Variants in GPSM2 observed in about 807,000 individuals in gnomAD.
GPSM2 encodes the protein G protein signaling modulator 2.
In GPSM2, 58 loss-of-function variants were observed where a neutral mutation model predicts 78.4. The observed-to-expected ratio is 0.74, with a 90% CI of 0.60 to 0.92. The LOEUF (loss-of-function observed/expected upper bound fraction) is 0.92, where lower values mean the gene tolerates loss of function less well. GPSM2 is among the 40% of genes least tolerant of loss of function. GPSM2 has a pLI of 0.00. For synonymous variants in GPSM2, 224 were observed against 280.2 expected (o/e 0.80, Z 2.00); for missense variants, 700 against 815.5 (o/e 0.86, Z 1.73).
intron 10 of GPSM2, among the ~76,000 whole-genome samples, chr1:108,908,032 C>A (rs112485939): frequency 5.3e-5 from 8 of 152,346 alleles, no homozygotes; most frequent in African/African-American, 1.9e-4. Flanking sequence ...CTGACCCATT[C>A]ATGAGTTATA....
Position 108,898,980 on chromosome 1 carries a change from C to T in GPSM2, c.783C>T (p.Ala261=), listed in dbSNP as rs1366640097. 48 of 1,552,990 alleles carry T rather than the reference C, an allele frequency of 3.1e-5. No homozygotes were observed. The highest frequency in any genetic ancestry group is 4.1e-5 in the Non-Finnish European group (46 of 1,124,964). ...TATTTCTTGGTGAATTTGAAACTGC[C>T]TCGGAATACTACAAGTTAGTCTAAT... ...AYIFLGEFET[A]SEYYKKTLLL... Residue 261 remains alanine, a synonymous_variant, in exon 7 of 15, where the codon GCC becomes GCT. Coordinates refer to ENST00000264126, the MANE Select transcript of GPSM2 (RefSeq NM_013296.5).
chr1:108,897,100 C>T lies in GPSM2; in HGVS notation c.278+15C>T. ...ACCCTTGCAAGGTAATTAATTTAAG[C>T]TTTTAAATATTCTTCCTTCTGAAAT... On this transcript the variant is annotated intron_variant, in intron 3 of 14. Transcript: ENST00000264126. 1 of 1,514,044 alleles carries T rather than the reference C, an allele frequency of 6.6e-7. No homozygotes were observed. Among genetic ancestry groups the T allele is most frequent in the Non-Finnish European group, 9.2e-7 (1 of 1,090,586 alleles). The allele number at this position is 1,514,044 out of a possible 1,614,324, so 93.8% of individuals were successfully genotyped here.
rs753005800 is a variant in GPSM2 at position 108,896,930 on chromosome 1, C to T, written c.123C>T (p.Arg41=). 9 of 1,614,010 alleles carry T rather than the reference C, an allele frequency of 5.6e-6. No homozygotes were observed. Among genetic ancestry groups the T allele is most frequent in the African/African-American group, 1.3e-5 (1 of 74,918 alleles). Residue 41 remains arginine (R), a synonymous_variant, in exon 3 of 15, where the codon CGC becomes CGT. Coordinates refer to ENST00000264126, the MANE Select transcript of GPSM2 (RefSeq NM_013296.5). ...GTCTATGTAAATCAGGAGACTGCCG[C>T]GCTGGCGTGTCATTCTTTGAAGCTG... The part of the protein sequence containing the change: ...GERLCKSGDC[R]AGVSFFEAAV...
rs375610061 is a variant in GPSM2 at position 108,879,069 on chromosome 1, A to G, written c.-249+1841A>G. Among the ~76,000 whole-genome samples, 265 of 152,326 alleles carry G rather than the reference A, an allele frequency of 1.7e-3. 1 individual carries two copies. The highest frequency in any genetic ancestry group is 5.7e-3 in the African/African-American group (237 of 41,578). ...GTTGTAGCTTCGCAGAAATATTTCAATCTTTCTGTTGGAACTATCTTGCTT... is the reference window on the plus strand; with the variant it reads ...GTTGTAGCTTCGCAGAAATATTTCAGTCTTTCTGTTGGAACTATCTTGCTT... On this transcript the variant is annotated intron_variant, in intron 1 of 14. Coordinates refer to ENST00000264126, the MANE Select transcript of GPSM2 (RefSeq NM_013296.5).
At chr1:108,905,776 A>T (rs922325105) in intron 10 of GPSM2, among the ~76,000 whole-genome samples, 1 of 152,182 alleles carries the variant, frequency 6.6e-6, no homozygotes, top group Non-Finnish European at 1.5e-5. Flanking sequence ...CTGTGATGAT[A>T]AAAACGTTTT....
In GPSM2 at chr1:108,918,835, A is replaced by T. The variant is rs1650475494; in HGVS notation, c.1440+46A>T. On this transcript the variant is annotated intron_variant, in intron 12 of 14. Coordinates refer to ENST00000264126, the MANE Select transcript of GPSM2 (RefSeq NM_013296.5). The stretch of plus-strand genomic sequence containing the variant: ...TGAGTATTGTGTTTTGAGTACCGAC[A>T]TTTGGGTTTTCTTGTATTCATGCTG... 6 of 1,308,158 alleles carry T rather than the reference A, an allele frequency of 4.6e-6. No homozygotes were observed. The East Asian group carries it at 1.2e-4, about 25-fold the overall frequency. 81.0% of individuals were successfully genotyped at this position (1,308,158 alleles called of 1,614,324 possible). A position where few individuals can be genotyped will look rare whatever the true frequency, so the allele number is the denominator to read the frequency against.
Position 108,930,243 on chromosome 1 carries a change from T to C in GPSM2, c.*303T>C, listed in dbSNP as rs1352547934. 1 of 290,768 alleles carries C rather than the reference T, an allele frequency of 3.4e-6. No homozygotes were observed. Among genetic ancestry groups the C allele is most frequent in the African/African-American group, 2.2e-5 (1 of 46,130 alleles). The allele number at this position is 290,768 out of a possible 1,614,324, so 18.0% of individuals were successfully genotyped here. On this transcript the variant is annotated 3_prime_UTR_variant, in exon 15 of 15. Coordinates refer to ENST00000264126, the MANE Select transcript of GPSM2 (RefSeq NM_013296.5). ...AGTAGGAAGTTAAGTGAATCATAGA[T>C]TAGAATTTAATACTCTTATGGAAAT...
At chr1:108,917,674 TCTCA>T (rs1360897102) in intron 11 of GPSM2, among the ~76,000 whole-genome samples, 2 of 73,102 alleles carry the variant, frequency 2.7e-5, no homozygotes, top group East Asian at 5.1e-4. Context: ...ATAAATGAGT[TCTCA>T]CTATGTTGTC....
rs1404170679 is a variant in GPSM2 at position 108,877,068 on chromosome 1, C to G, written c.-409C>G. On this transcript the variant is annotated 5_prime_UTR_variant, in exon 1 of 15. Transcript: ENST00000264126. ...CGCTCCGGGAAAGCGAGGGGCGCTACGAGCTCTGGCCCACGTGACCTGCCG... is the reference window on the plus strand; with the variant it reads ...CGCTCCGGGAAAGCGAGGGGCGCTAGGAGCTCTGGCCCACGTGACCTGCCG... The G allele has an allele frequency of 1.3e-5, 2 of 152,326 alleles. No homozygotes were observed. Among genetic ancestry groups the G allele is most frequent in the African/African-American group, 2.4e-5 (1 of 41,450 alleles). 9.4% of individuals were successfully genotyped at this position (152,326 alleles called of 1,614,324 possible).
At chr1:108,920,168 A>G (rs12077339) in intron 12 of GPSM2, among the ~76,000 whole-genome samples, 56,003 of 151,182 alleles carry the variant, frequency 0.37, 11,225 homozygotes, top group East Asian at 0.61. Flanking sequence ...CCCCATCTCA[A>G]AAAAAATAAA....
At chr1:108,899,432 C>A (rs1316770153) in intron 7 of GPSM2, among the ~76,000 whole-genome samples, 1 of 152,170 alleles carries the variant, frequency 6.6e-6, no homozygotes, top group Non-Finnish European at 1.5e-5. Context: ...TATTTATAGT[C>A]TATACCAGTG....
At chr1:108,902,434 A>T (rs1648897596) in intron 8 of GPSM2, among the ~76,000 whole-genome samples, 1 of 152,034 alleles carries the variant, frequency 6.6e-6, no homozygotes. Context: ...ATTGTGGTGA[A>T]CTTAGAGATA....
chr1:108,929,969 A>C lies in GPSM2; in HGVS notation c.*29A>C, dbSNP rs1651643819. On this transcript the variant is annotated 3_prime_UTR_variant, in exon 15 of 15. Transcript: ENST00000264126. ...CTATGGATTTATTTTTTTTCCTTTC[A>C]AACACGGTAAGGAAACAATCTATTA... 2 of 1,597,240 alleles carry C rather than the reference A, an allele frequency of 1.3e-6. No individual in the cohort carries two copies. Among genetic ancestry groups the C allele is most frequent in the Non-Finnish European group, 1.7e-6 (2 of 1,165,712 alleles).
intron 10 of GPSM2, among the ~76,000 whole-genome samples, chr1:108,908,194 AC>A (rs1570922317): frequency 6.6e-6 from 1 of 151,588 alleles, no homozygotes; most frequent in East Asian, 1.9e-4. Flanking sequence ...ACGTGGTGAA[AC>A]CCCGTCTCCA....
intron 2 of GPSM2, among the ~76,000 whole-genome samples, chr1:108,887,134 C>T (rs754727231): frequency 4.6e-5 from 7 of 152,228 alleles, no homozygotes; most frequent in Non-Finnish European, 8.8e-5. Context: ...GTGATATGCC[C>T]GCCTTGGCCT....
At chr1:108,904,301 T>G in intron 10 of GPSM2, 47 bp downstream of exon 10, 1 of 1,180,014 alleles carries the variant, frequency 8.5e-7, no homozygotes, top group Non-Finnish European at 1.3e-6. Context: ...CCTCAATATT[T>G]AGATTAAAGT....
At chr1:108,889,199 A>G (rs1408235868) in intron 2 of GPSM2, among the ~76,000 whole-genome samples, 2 of 152,204 alleles carry the variant, frequency 1.3e-5, no homozygotes, top group Non-Finnish European at 2.9e-5. Flanking sequence ...TTTTGCCTCG[A>G]GAGTACACTG....
intron 4 of GPSM2, 117 bp from the exon 5 acceptor site, chr1:108,897,842 G>C: frequency 9.8e-7 from 1 of 1,024,646 alleles, no homozygotes; most frequent in East Asian, 2.4e-5. Context: ...GGTTCTGTAT[G>C]GAGAGCCAAT....
Position 108,897,595 on chromosome 1 carries a change from C to T in GPSM2, c.382C>T (p.His128Tyr). ...CGAAGCCATAGTTTGTTGTCAGCGA[C>T]ACCTAGATATTTCCAGAGAGCTTAA... ...FDEAIVCCQRHLDISRELNDK... is the reference protein window; with the variant it reads ...FDEAIVCCQRYLDISRELNDK... Residue 128 changes from histidine to tyrosine, a missense_variant, in exon 4 of 15, where the codon CAC becomes TAC. His to Tyr is a moderately conservative substitution (Grantham distance 83). Coordinates refer to ENST00000264126, the MANE Select transcript of GPSM2 (RefSeq NM_013296.5). The T allele has an allele frequency of 6.2e-7, 1 of 1,613,564 alleles. No homozygotes were observed. Among genetic ancestry groups the T allele is most frequent in the South Asian group, 1.1e-5 (1 of 91,074 alleles).
Sources: allele counts gnomAD v4.1 joint callset (sites outside exome capture counted in the v4.1 genomes callset), GRCh38; gene constraint gnomAD v4.1.1; transcripts MANE v1.5; gene names NCBI Gene and HGNC (gene_info 2026-07-23, HGNC 2026-07-21).